Variants in ATAT1 observed in about 807,000 individuals in gnomAD.
ATAT1 encodes the protein alpha tubulin acetyltransferase 1.
In ATAT1, 42 loss-of-function variants were observed where a neutral mutation model predicts 57.2. That is an observed-to-expected ratio of 0.73 (90% CI 0.57 to 0.95). ATAT1 has a LOEUF of 0.95. Among genes scored for constraint, ATAT1 ranks in the 40% least tolerant of loss-of-function variants. The pLI, the probability that ATAT1 is intolerant of heterozygous loss-of-function variation, is 0.00. For missense variants in ATAT1, 454 were observed against 523.7 expected (o/e 0.87, Z 1.30); for synonymous variants, 168 against 187.1 (o/e 0.90, Z 0.83).
intron 6 of ATAT1, among the ~76,000 whole-genome samples, chr6:30,638,158 T>C (rs1035542677): frequency 6.6e-6 from 1 of 152,026 alleles, no homozygotes; most frequent in African/African-American, 2.4e-5. Flanking sequence ...ATTACAGGCT[T>C]GAGCCACTGG....
At chr6:30,637,884 G>A (rs1764489113) in intron 6 of ATAT1, among the ~76,000 whole-genome samples, 1 of 152,132 alleles carries the variant, frequency 6.6e-6, no homozygotes, top group Non-Finnish European at 1.5e-5. Flanking sequence ...GCTGAGGCAG[G>A]AGAATCGCTT....
At chr6:30,629,193 C>A (rs1440954309) in intron 6 of ATAT1, among the ~76,000 whole-genome samples, 1 of 151,896 alleles carries the variant, frequency 6.6e-6, no homozygotes, top group African/African-American at 2.4e-5. Context: ...GCCACTGTAC[C>A]CAGACTTATT....
At chr6:30,627,396 A>C (rs1287066351) in intron 1 of ATAT1, 64 bp from the exon 2 acceptor site, 1 of 1,599,214 alleles carries the variant, frequency 6.3e-7, no homozygotes, top group African/African-American at 1.3e-5. Context: ...GGTTCCCAGG[A>C]CTGACTGCCT....
chr6:30,643,482 C>A (rs914766350), intron 10 of ATAT1: 3 of 1,549,834 alleles, frequency 1.9e-6, no homozygotes, highest in Middle Eastern at 1.7e-4. Flanking sequence ...CCCCGCCCCC[C>A]GCCATTTCCC....
chr6:30,629,236 T>A (rs1762322339), intron 6 of ATAT1, among the ~76,000 whole-genome samples: 1 of 150,096 alleles, frequency 6.7e-6, no homozygotes, highest in African/African-American at 2.5e-5. Context: ...TTCCTACACC[T>A]AATTTTTCTT....
chr6:30,631,940 G>C (rs183726136), intron 6 of ATAT1, among the ~76,000 whole-genome samples: 2 of 152,252 alleles, frequency 1.3e-5, no homozygotes, highest in African/African-American at 4.8e-5. Flanking sequence ...AGTATGGTAG[G>C]AGATGAGACC....
At chr6:30,634,200 AGTTT>A (rs1279565578) in intron 6 of ATAT1, among the ~76,000 whole-genome samples, 19 of 152,102 alleles carry the variant, frequency 1.2e-4, no homozygotes, top group Admixed American at 7.9e-4. Flanking sequence ...TTAAAAAGGA[AGTTT>A]GTTTGTATTT....
rs771579856 is a variant in ATAT1 at position 30,626,946 on chromosome 6, C to T, written c.-258C>T. 1 of 1,608,452 alleles carries T rather than the reference C, an allele frequency of 6.2e-7. No homozygotes were observed. The highest frequency in any genetic ancestry group is 8.5e-7 in the Non-Finnish European group (1 of 1,178,118). On this transcript the variant is annotated 5_prime_UTR_variant, in exon 1 of 13. Coordinates refer to ENST00000330083, the MANE Select transcript of ATAT1 (RefSeq NM_001031722.4). ...GGAGCGGATCACGGTGCTGGACCAG[C>T]ACCTGAGGCCCCCAGCCCGCCGACC...
chr6:30,630,144 C>CTT (rs1762541172), intron 6 of ATAT1, among the ~76,000 whole-genome samples: 1 of 152,122 alleles, frequency 6.6e-6, no homozygotes, highest in Non-Finnish European at 1.5e-5. Context: ...TAGCGAAACT[C>CTT]TGTCTCTACA....
chr6:30,643,093 A>G, intron 10 of ATAT1, 82 bp downstream of exon 10: 1 of 1,522,572 alleles, frequency 6.6e-7, no homozygotes, highest in Non-Finnish European at 8.8e-7. Flanking sequence ...TGAATCCATC[A>G]GAGAGATGGA....
intron 8 of ATAT1, among the ~76,000 whole-genome samples, chr6:30,641,150 G>A (rs1049832141): frequency 2.7e-5 from 4 of 149,586 alleles, no homozygotes; most frequent in Admixed American, 2.7e-4. Flanking sequence ...CACACTTACT[G>A]ACAGTCTGAG....
chr6:30,643,039 C>T, intron 10 of ATAT1, 28 bp downstream of exon 10: 1 of 1,582,710 alleles, frequency 6.3e-7, no homozygotes, highest in Non-Finnish European at 8.6e-7. Flanking sequence ...GCTAAGGAGC[C>T]TCACAGCTAT....
intron 6 of ATAT1, among the ~76,000 whole-genome samples, chr6:30,631,583 A>C (rs1215687952): frequency 6.6e-6 from 1 of 151,188 alleles, no homozygotes; most frequent in African/African-American, 2.4e-5. Flanking sequence ...GTTCGAGACT[A>C]GCCTAGGCAA....
chr6:30,634,314 G>A (rs2894041), intron 6 of ATAT1, among the ~76,000 whole-genome samples: 2 of 151,626 alleles, frequency 1.3e-5, no homozygotes, highest in African/African-American at 4.8e-5. Flanking sequence ...GCAGTGGTGC[G>A]ATCTTGGCTC....
At position 30,626,884 on chromosome 6, in the gene ATAT1, C is replaced by A. The variant is rs370862411; in HGVS notation, c.-320C>A. The A allele has an allele frequency of 1.2e-6, 2 of 1,605,154 alleles. No homozygotes were observed. Among genetic ancestry groups the A allele is most frequent in the Non-Finnish European group, 8.5e-7 (1 of 1,176,766 alleles). ...GGCGGGTCCGACCGCGCACAATGGG[C>A]CATGGAGTTCCCGTTCGATGTGGAC... On this transcript the variant is annotated 5_prime_UTR_variant, in exon 1 of 13. Coordinates refer to ENST00000330083, the MANE Select transcript of ATAT1 (RefSeq NM_001031722.4).
intron 6 of ATAT1, among the ~76,000 whole-genome samples, chr6:30,628,864 A>G (rs1056616369): frequency 2.0e-5 from 3 of 151,452 alleles, no homozygotes; most frequent in South Asian, 4.2e-4. Context: ...TGGCCTCCCA[A>G]AATGCTGGGA....
chr6:30,644,553 C>G, intron 10 of ATAT1: 1 of 985,222 alleles, frequency 1.0e-6, no homozygotes, highest in Non-Finnish European at 1.2e-6. Flanking sequence ...CCTTGGGAGC[C>G]GGATCTCCCC....
At position 30,646,467 on chromosome 6, in the gene ATAT1, A is replaced by G. The variant is rs1421691906; in HGVS notation, c.1056-2A>G. On this transcript the variant is annotated splice_acceptor_variant, in intron 12 of 12. Transcript: ENST00000330083. LOFTEE classifies it high-confidence loss of function. ...CCCACTCTCCATCTCCCCACCTACC[A>G]GGTCTGCCAGTGAGGAGCAGGCCTT... 4 of 1,570,420 alleles carry G rather than the reference A, an allele frequency of 2.5e-6. No homozygotes were observed. The highest frequency in any genetic ancestry group is 3.5e-6 in the Non-Finnish European group (4 of 1,156,238).
At position 30,628,103 on chromosome 6, in the gene ATAT1, A is replaced by G; in HGVS notation, c.357A>G (p.Gln119=). 6.2e-7 allele frequency: 1 copy of G among 1,613,018 alleles called. No homozygotes were observed. The highest frequency in any genetic ancestry group is 8.5e-7 in the Non-Finnish European group (1 of 1,180,024). Reference sequence around the variant, plus strand: ...ACTTTTACATCCATGAGTCTGTGCAACGCCATGGCCATGGGCGAGAACTCT... The same window carrying G: ...ACTTTTACATCCATGAGTCTGTGCAGCGCCATGGCCATGGGCGAGAACTCT... Residue 119 remains glutamine (Q), a synonymous_variant, in exon 5 of 13, where the codon CAA becomes CAG. Coordinates refer to ENST00000330083, the MANE Select transcript of ATAT1 (RefSeq NM_001031722.4).
Sources: gnomAD v4.1 joint callset for allele counts (sites outside exome capture counted in the v4.1 genomes callset) on GRCh38, gnomAD v4.1.1 for gene constraint, MANE v1.5 for transcripts, NCBI Gene and HGNC (gene_info 2026-07-23, HGNC 2026-07-21) for gene names.